Variants in GPR160 observed in about 807,000 individuals in gnomAD.
GPR160 encodes probable G protein-coupled receptor 160.
Under a neutral mutation model 2.6 loss-of-function variants are expected in GPR160, and 2 were observed. The observed-to-expected ratio is 0.77, with a 90% CI of 0.32 to 2.44. The LOEUF is 2.44. GPR160 is among the 30% of genes most tolerant of loss of function. GPR160 has a pLI of 0.11. For missense variants in GPR160, 351 were observed against 383.6 expected, an observed-to-expected ratio of 0.91 and a Z score of 0.71; for synonymous variants, 130 against 132.2, an observed-to-expected ratio of 0.98 and a Z score of 0.12.
At chr3:170,060,915 G>C (rs967437167) in intron 2 of GPR160, among the ~76,000 whole-genome samples, 24 of 152,118 alleles carry the variant, frequency 1.6e-4, no homozygotes, top group African/African-American at 5.8e-4. Flanking sequence ...GTTTAATATT[G>C]AGAAAACAAT....
At chr3:170,044,617 T>A (rs1354141860) in intron 2 of GPR160, among the ~76,000 whole-genome samples, 1 of 152,098 alleles carries the variant, frequency 6.6e-6, no homozygotes, top group Non-Finnish European at 1.5e-5. Flanking sequence ...CCTTGGCGGT[T>A]CCCCAGGGTG....
intron 2 of GPR160, among the ~76,000 whole-genome samples, chr3:170,045,039 C>T (rs1716646779): frequency 6.6e-6 from 1 of 152,166 alleles, no homozygotes; most frequent in Non-Finnish European, 1.5e-5. Context: ...TGAAGTTTCT[C>T]TTTAGATCTT....
chr3:170,060,498 C>A (rs1040446677), intron 2 of GPR160, among the ~76,000 whole-genome samples: 10 of 152,174 alleles, frequency 6.6e-5, no homozygotes, highest in Non-Finnish European at 1.3e-4. Flanking sequence ...CGAGGTGGCT[C>A]ATGCCTATAA....
At chr3:170,077,330 T>TA (rs1269828610) in intron 2 of GPR160, 1 of 152,180 alleles carries the variant, frequency 6.6e-6, no homozygotes, top group East Asian at 1.9e-4. Flanking sequence ...CCTTTTTTTT[T>TA]ACTTTCCAAC....
chr3:170,070,021 T>C (rs1392332852), intron 2 of GPR160, among the ~76,000 whole-genome samples: 1 of 152,040 alleles, frequency 6.6e-6, no homozygotes, highest in Non-Finnish European at 1.5e-5. Context: ...AATTACCTCT[T>C]TAAAGGTCCT....
intron 2 of GPR160, among the ~76,000 whole-genome samples, chr3:170,071,002 C>A (rs1712561509): frequency 6.6e-6 from 1 of 152,216 alleles, no homozygotes; most frequent in Non-Finnish European, 1.5e-5. Flanking sequence ...AGAACATTGC[C>A]TGGTTCACCT....
chr3:170,079,072 G>T lies in GPR160; in HGVS notation c.-192-702G>T, dbSNP rs867207141. Among the ~76,000 whole-genome samples, 13 of 152,206 alleles carry T rather than the reference G, an allele frequency of 8.5e-5. No individual in the cohort carries two copies. In the East Asian group the frequency reaches 1.2e-3, roughly 13 times the overall value. On this transcript the variant is annotated intron_variant, in intron 2 of 3. Transcript: ENST00000355897. The stretch of plus-strand genomic sequence containing the variant: ...CGCATGCATTACTGCTCCCTGAAAG[G>T]GGGGACAGTAATGTTAATTACCCAC...
rs550334387 is a variant in GPR160, at chr3:170,067,116, C to T, written c.-192-12658C>T. On this transcript the variant is annotated intron_variant, in intron 2 of 3. Coordinates refer to ENST00000355897, the MANE Select transcript of GPR160 (RefSeq NM_014373.3). The stretch of plus-strand genomic sequence containing the variant: ...ACCTCCTGGGCTCAAGCAGTCCTCC[C>T]GCCTCAACCTCCCAAGTAGCTGGGA... 7.9e-5 allele frequency among the ~76,000 whole-genome samples: 12 copies of T among 152,290 alleles called. No homozygotes were observed. In the South Asian group the frequency reaches 1.4e-3, roughly 18 times the overall value.
chr3:170,054,849 A>C (rs1711550682), intron 2 of GPR160, among the ~76,000 whole-genome samples: 1 of 150,342 alleles, frequency 6.7e-6, no homozygotes, highest in Admixed American at 6.6e-5. Context: ...GGTGGAATGC[A>C]GTGGCCCGAT....
chr3:170,078,406 A>C (rs1246373396), intron 2 of GPR160, among the ~76,000 whole-genome samples: 1 of 152,172 alleles, frequency 6.6e-6, no homozygotes, highest in Non-Finnish European at 1.5e-5. Flanking sequence ...AAAAAGGACA[A>C]GGGATACACT....
chr3:170,067,614 C>T (rs1434452994), intron 2 of GPR160, among the ~76,000 whole-genome samples: 1 of 152,064 alleles, frequency 6.6e-6, no homozygotes, highest in Non-Finnish European at 1.5e-5. Context: ...TCCAATAGGC[C>T]CCTTCCATGT....
rs368019452 is a variant in GPR160, at chr3:170,045,408, C to CAAAAAAAAAA, written c.-193+6395_-193+6404dup. ...TGAAACCCTGTCTCTACTAAAAATACAAAAAAAAAAAAAAAAAAAAAAAAA... is the reference window on the plus strand; with the variant it reads ...TGAAACCCTGTCTCTACTAAAAATACAAAAAAAAAAAAAAAAAAAAAAAAAAAAAAAAAAA... On this transcript the variant is annotated intron_variant, in intron 2 of 3. Coordinates refer to ENST00000355897, the MANE Select transcript of GPR160 (RefSeq NM_014373.3). 4.5e-3 allele frequency among the ~76,000 whole-genome samples: 152 copies of CAAAAAAAAAA among 33,658 alleles called. 43 individuals are homozygous for CAAAAAAAAAA. Among genetic ancestry groups the CAAAAAAAAAA allele is most frequent in the Non-Finnish European group, 6.9e-3 (125 of 18,162 alleles). 22.1% of individuals were successfully genotyped at this position (33,658 alleles called of 152,430 possible). A position where few individuals can be genotyped will look rare whatever the true frequency, so the allele number is the denominator to read the frequency against.
At chr3:170,041,298 ATTTTTTT>A (rs764849488) in intron 2 of GPR160, among the ~76,000 whole-genome samples, 2 of 120,872 alleles carry the variant, frequency 1.7e-5, no homozygotes, top group African/African-American at 6.5e-5. Context: ...GGATGTAAAG[ATTTTTTT>A]TTTTTTTTTT....
At chr3:170,066,203 C>G (rs554449182) in intron 2 of GPR160, among the ~76,000 whole-genome samples, 1 of 127,316 alleles carries the variant, frequency 7.9e-6, no homozygotes, top group Non-Finnish European at 1.6e-5. Flanking sequence ...TCCAGTGGCA[C>G]GATCTCGGCT....
chr3:170,064,099 T>TG (rs200681576), intron 2 of GPR160, among the ~76,000 whole-genome samples: 44 of 151,602 alleles, frequency 2.9e-4, no homozygotes, highest in African/African-American at 4.6e-4. Flanking sequence ...TGTATTTTTT[T>TG]GGGGGGGGCA....
chr3:170,046,309 C>A (rs1339574677), intron 2 of GPR160, among the ~76,000 whole-genome samples: 1 of 152,132 alleles, frequency 6.6e-6, no homozygotes, highest in Non-Finnish European at 1.5e-5. Flanking sequence ...AGGGCTTTGG[C>A]TTTGTTGTTC....
chr3:170,080,850 AC>A (rs1348932781), intron 3 of GPR160, among the ~76,000 whole-genome samples: 1 of 152,038 alleles, frequency 6.6e-6, no homozygotes, highest in Non-Finnish European at 1.5e-5. Flanking sequence ...ATAGGCCCCC[AC>A]CACCACACCC....
intron 2 of GPR160, among the ~76,000 whole-genome samples, chr3:170,056,856 T>C (rs1346151316): frequency 6.6e-6 from 1 of 152,346 alleles, no homozygotes. Context: ...AGTTGAACCA[T>C]CACAGTAACT....
intron 2 of GPR160, among the ~76,000 whole-genome samples, chr3:170,063,564 A>AC (rs1226173330): frequency 8.0e-5 from 12 of 149,956 alleles, no homozygotes; most frequent in East Asian, 1.9e-4. Flanking sequence ...AAAAAAAAAA[A>AC]AAAAAAAAAA....
Sources: gnomAD v4.1 joint callset for allele counts (sites outside exome capture counted in the v4.1 genomes callset) on GRCh38, gnomAD v4.1.1 for gene constraint, MANE v1.5 for transcripts, NCBI Gene and HGNC (gene_info 2026-07-23, HGNC 2026-07-21) for gene names.